PLOD1: variants seen among roughly 807,000 people sequenced by gnomAD.
PLOD1 encodes procollagen-lysine,2-oxoglutarate 5-dioxygenase 1, also known as lysine hydroxylase.
Under a neutral mutation model 94.7 loss-of-function variants are expected in PLOD1, and 70 were observed. That is an observed-to-expected ratio of 0.74 (90% CI 0.61 to 0.90). The LOEUF is 0.90. Ranked by LOEUF, PLOD1 falls within the 40% of genes least tolerant of loss-of-function variation. The pLI, the probability that PLOD1 is intolerant of heterozygous loss-of-function variation, is 0.00. For missense variants in PLOD1, 905 were observed against 972.7 expected, an observed-to-expected ratio of 0.93 and a Z score of 0.93; for synonymous variants, 417 against 400.2, an observed-to-expected ratio of 1.04 and a Z score of -0.50.
Position 11,974,846 on chromosome 1 carries a change from C to G in PLOD1, c.*38C>G. ...GACCCTCTTGGACCTTTCTTCTTTGCCGACAACCACTGCCCAGCAGCCTCT... is the reference window on the plus strand; with the variant it reads ...GACCCTCTTGGACCTTTCTTCTTTGGCGACAACCACTGCCCAGCAGCCTCT... On this transcript the variant is annotated 3_prime_UTR_variant, in exon 19 of 19. Coordinates refer to ENST00000196061, the MANE Select transcript of PLOD1 (RefSeq NM_000302.4). 1.2e-6 allele frequency: 2 copies of G among 1,609,074 alleles called. No homozygotes were observed. Among genetic ancestry groups the G allele is most frequent in the Non-Finnish European group, 1.7e-6 (2 of 1,175,452 alleles).
intron 1 of PLOD1, among the ~76,000 whole-genome samples, chr1:11,945,745 G>T (rs1007173125): frequency 6.6e-6 from 1 of 152,030 alleles, no homozygotes; most frequent in Non-Finnish European, 1.5e-5. Context: ...GTCTTGCTCT[G>T]TCACCCAGGC....
intron 14 of PLOD1, 105 bp from the exon 15 acceptor site, chr1:11,966,146 T>C (rs2100759867): frequency 1.2e-6 from 1 of 826,090 alleles, no homozygotes; most frequent in East Asian, 2.7e-5. Flanking sequence ...CACCTGCCTC[T>C]GTCAAGCACG....
At position 11,967,016 on chromosome 1, in the gene PLOD1, C is replaced by CT; in HGVS notation, c.1682dup (p.Thr562HisfsTer6). On this transcript the variant is annotated frameshift_variant, in exon 16 of 19. Transcript: ENST00000196061. LOFTEE classifies it high-confidence loss of function. ...GCCCGGATGTCTATTGGTTCCCCAT[C>CT]TTCACGGAGGTGGCCTGTGATGAGC... is the stretch of plus-strand genomic sequence containing the variant. 6.2e-7 allele frequency: 1 copy of CT among 1,613,844 alleles called. No individual in the cohort carries two copies. Among genetic ancestry groups the CT allele is most frequent in the Non-Finnish European group, 8.5e-7 (1 of 1,179,694 alleles).
Position 11,953,125 on chromosome 1 carries a change from G to A in PLOD1, c.579+390G>A, listed in dbSNP as rs564617273. Among the ~76,000 whole-genome samples, 10 of 152,070 alleles carry A rather than the reference G, an allele frequency of 6.6e-5. 1 individual carries two copies. The highest frequency in any genetic ancestry group is 5.8e-4 in the East Asian group (3 of 5,150). ...GGCTAGAGTACAGTGGTGCGATCTC[G>A]GCTCACTACAGCCTCTACCTCCCTG... On this transcript the variant is annotated intron_variant, in intron 5 of 18. Coordinates refer to ENST00000196061, the MANE Select transcript of PLOD1 (RefSeq NM_000302.4).
At chr1:11,947,952 C>G in intron 1 of PLOD1, 24 bp from the exon 2 acceptor site, 1 of 1,494,076 alleles carries the variant, frequency 6.7e-7, no homozygotes, top group South Asian at 1.1e-5. Flanking sequence ...CATTCCCATT[C>G]ACCATACCCT....
chr1:11,942,005 CAG>C (rs1273633309), intron 1 of PLOD1, among the ~76,000 whole-genome samples: 15 of 139,246 alleles, frequency 1.1e-4, no homozygotes, highest in Admixed American at 9.6e-4. Flanking sequence ...TTTTTTGAGA[CAG>C]AGTTTCACCC....
rs968182062 is a variant in PLOD1 at position 11,934,788 on chromosome 1, C to G, written c.9C>G (p.Pro3=). 4.5e-6 allele frequency: 7 copies of G among 1,539,380 alleles called. No homozygotes were observed. Among genetic ancestry groups the G allele is most frequent in the African/African-American group, 1.4e-5 (1 of 72,608 alleles). Residue 3 remains proline (P), a synonymous_variant, in exon 1 of 19, where the codon CCC becomes CCG. Coordinates refer to ENST00000196061, the MANE Select transcript of PLOD1 (RefSeq NM_000302.4). MR[P]LLLLALLGWL... is the part of the protein sequence containing the mutation. The stretch of plus-strand genomic sequence containing the variant: ...TCCCCCATACCTCGGCCATGCGGCC[C>G]CTGCTGCTACTGGCCCTGCTGGGCT...
At chr1:11,945,481 TC>T (rs1018795842) in intron 1 of PLOD1, among the ~76,000 whole-genome samples, 19 of 150,694 alleles carry the variant, frequency 1.3e-4, no homozygotes, top group Non-Finnish European at 1.8e-4. Context: ...GGAGCCATGG[TC>T]CCTTGCATGG....
rs935708407 is a variant in PLOD1, at chr1:11,949,669, C to T, written c.169-104C>T. 5.8e-6 allele frequency: 7 copies of T among 1,204,592 alleles called. No individual in the cohort carries two copies. The African/African-American group carries it at 9.0e-5, about 16-fold the overall frequency. 74.6% of individuals were successfully genotyped at this position (1,204,592 alleles called of 1,614,324 possible). ...TCCTGACCTCAGGTGGTCCACACGTCTCGGCCTCCCAAAGTGCTGGGATTA... is the reference window on the plus strand; with the variant it reads ...TCCTGACCTCAGGTGGTCCACACGTTTCGGCCTCCCAAAGTGCTGGGATTA... On this transcript the variant is annotated intron_variant, in intron 2 of 18. Transcript: ENST00000196061.
At chr1:11,939,541 A>G (rs1277739538) in intron 1 of PLOD1, among the ~76,000 whole-genome samples, 1 of 152,112 alleles carries the variant, frequency 6.6e-6, no homozygotes, top group Non-Finnish European at 1.5e-5. Flanking sequence ...CAGAGGTCCC[A>G]TTCTTCCAGG....
At chr1:11,934,884 C>G (rs1372285536) in intron 1 of PLOD1, 29 bp downstream of exon 1, 12 of 1,530,550 alleles carry the variant, frequency 7.8e-6, no homozygotes, top group South Asian at 1.2e-5. Context: ...GGGGCGGGAG[C>G]GCGGATCCGG....
intron 4 of PLOD1, among the ~76,000 whole-genome samples, 157 bp from the exon 5 acceptor site, chr1:11,952,466 G>C (rs985850044): frequency 1.3e-5 from 2 of 152,182 alleles, no homozygotes; most frequent in African/African-American, 4.8e-5. Context: ...CCAACCTGCA[G>C]CCCCACCTCC....
intron 5 of PLOD1, among the ~76,000 whole-genome samples, chr1:11,953,812 A>G (rs11581068): frequency 0.069 from 10,435 of 151,860 alleles, 430 homozygotes; most frequent in East Asian, 0.12. Flanking sequence ...AGCAATAATG[A>G]TAATACTTTC....
intron 5 of PLOD1, among the ~76,000 whole-genome samples, chr1:11,953,834 T>C (rs1645719988): frequency 1.3e-5 from 2 of 151,864 alleles, no homozygotes; most frequent in South Asian, 4.2e-4. Flanking sequence ...CACAGAGATG[T>C]TGTCAGGATT....
In PLOD1 at chr1:11,934,893, G is replaced by A. The variant is rs577633376; in HGVS notation, c.76+38G>A. On this transcript the variant is annotated intron_variant, in intron 1 of 18. Coordinates refer to ENST00000196061, the MANE Select transcript of PLOD1 (RefSeq NM_000302.4). ...AGGCCGGGGGCGGGAGCGCGGATCCGGGCGGGAGGGCTGGTGTCGGGCTGC... is the reference window on the plus strand; with the variant it reads ...AGGCCGGGGGCGGGAGCGCGGATCCAGGCGGGAGGGCTGGTGTCGGGCTGC... 3.2e-5 allele frequency: 49 copies of A among 1,527,868 alleles called. No homozygotes were observed. The African/African-American group carries it at 3.3e-4, about 10-fold the overall frequency. 94.6% of individuals were successfully genotyped at this position (1,527,868 alleles called of 1,614,324 possible).
At position 11,947,988 on chromosome 1, in the gene PLOD1, T is replaced by C. The variant is rs777178486; in HGVS notation, c.89T>C (p.Val30Ala). 3 of 1,611,658 alleles carry C rather than the reference T, an allele frequency of 1.9e-6. No individual in the cohort carries two copies. In the South Asian group the frequency reaches 3.3e-5, roughly 18 times the overall value. Residue 30 changes from valine to alanine, a missense_variant, in exon 2 of 19, where the codon GTC becomes GCC. Coordinates refer to ENST00000196061, the MANE Select transcript of PLOD1 (RefSeq NM_000302.4). Reference sequence around the variant, plus strand: ...CCTCTGTCTGCAGACAACCTTTTAGTCCTCACGGTGGCCACTAAGGAGACC... The same window carrying C: ...CCTCTGTCTGCAGACAACCTTTTAGCCCTCACGGTGGCCACTAAGGAGACC... ...GDAKPEDNLL[V>A]LTVATKETEG...
At position 11,974,782 on chromosome 1, in the gene PLOD1, A is replaced by G. The variant is rs747378023; in HGVS notation, c.2158A>G (p.Ile720Val). ...CCCCACCACCAGGGGCACCCGCTAC[A>G]TCGCAGTCTCCTTCGTCGATCCCTA... The part of the protein sequence containing the change: ...GLPTTRGTRY[I>V]AVSFVDP Residue 720 changes from isoleucine (I) to valine (V), a missense_variant, in exon 19 of 19, where the codon ATC (isoleucine) becomes GTC (valine). Coordinates refer to ENST00000196061, the MANE Select transcript of PLOD1 (RefSeq NM_000302.4). The G allele has an allele frequency of 6.2e-7, 1 of 1,614,120 alleles. No homozygotes were observed. Among genetic ancestry groups the G allele is most frequent in the Non-Finnish European group, 8.5e-7 (1 of 1,180,012 alleles).
At chr1:11,965,661 T>C (rs1365278905) in intron 14 of PLOD1, 68 bp downstream of exon 14, 19 of 957,812 alleles carry the variant, frequency 2.0e-5, no homozygotes, top group African/African-American at 4.8e-5. Context: ...TCGGAGGGAC[T>C]TCCCTCTCAG....
intron 1 of PLOD1, among the ~76,000 whole-genome samples, chr1:11,940,472 G>A (rs1462295561): frequency 1.3e-5 from 2 of 152,178 alleles, no homozygotes; most frequent in Admixed American, 6.6e-5. Flanking sequence ...AGCGCTTTAC[G>A]GCATTGGCTC....
Sources: gnomAD v4.1 joint callset for allele counts (sites outside exome capture counted in the v4.1 genomes callset) on GRCh38, gnomAD v4.1.1 for gene constraint, MANE v1.5 for transcripts, NCBI Gene and HGNC (gene_info 2026-07-23, HGNC 2026-07-21) for gene names.